The following SEC13 variants were observed in gnomAD, a reference collection of about 807,000 sequenced individuals.
SEC13 encodes the protein SEC13 homolog, nuclear pore and COPII component, also known as protein SEC13 homolog.
SEC13 carries 25 observed loss-of-function variants against 49.2 expected under a neutral mutation model. The observed-to-expected ratio is 0.51, with a 90% CI of 0.37 to 0.71. The LOEUF is 0.71. Among genes scored for constraint, SEC13 ranks in the 30% least tolerant of loss-of-function variants. SEC13 has a pLI of 0.00. For synonymous variants in SEC13, 148 were observed against 163.9 expected (o/e 0.90, Z 0.74); for missense variants, 383 against 417.6 (o/e 0.92, Z 0.72).
chr3:10,313,865 G>C (rs995202394), intron 3 of SEC13: 1 of 154,424 alleles, frequency 6.5e-6, no homozygotes, highest in African/African-American at 2.4e-5. Context: ...AGAGAAGCTT[G>C]ATTTGGCTCC....
At position 10,301,189 on chromosome 3, in the gene SEC13, TGTCTG is replaced by T; in HGVS notation, c.*67_*71del. 2 of 1,613,936 alleles carry T rather than the reference TGTCTG, an allele frequency of 1.2e-6. No homozygotes were observed. The highest frequency in any genetic ancestry group is 1.7e-6 in the Non-Finnish European group (2 of 1,179,882). On this transcript the variant is annotated 3_prime_UTR_variant, in exon 9 of 9. Coordinates refer to ENST00000350697, the MANE Select transcript of SEC13 (RefSeq NM_183352.3). ...GTTGGAGTTGGGGGCTCTTCCCAGTTGTCTGGTTAGTTGGCCCAGGAAGGGGCAGT... is the reference window on the plus strand; with the variant it reads ...GTTGGAGTTGGGGGCTCTTCCCAGTTGTTAGTTGGCCCAGGAAGGGGCAGT...
intron 3 of SEC13, chr3:10,314,110 T>C (rs1644847537): frequency 6.7e-6 from 1 of 149,654 alleles, no homozygotes; most frequent in African/African-American, 2.4e-5. Flanking sequence ...TTATAAATTA[T>C]ACAGTAATCA....
intron 1 of SEC13, chr3:10,319,150 T>A (rs753652528): frequency 4.3e-6 from 7 of 1,610,954 alleles, no homozygotes; most frequent in Non-Finnish European, 5.9e-6. Flanking sequence ...ATTTTCCCCA[T>A]TTCATCTTTT....
At position 10,303,038 on chromosome 3, in the gene SEC13, A is replaced by G. The variant is rs77210910; in HGVS notation, c.855+988T>C. Among the ~76,000 whole-genome samples the G allele has an allele frequency of 1.1e-3, 172 of 152,326 alleles. 3 individuals are homozygous for G. In the East Asian group the frequency reaches 0.028, roughly 24 times the overall value. ...TGGCTGCCAGGGCTGGGGAGGGGCA[A>G]TGGGGAAGGGAGTTATTTAATGGGT... On this transcript the variant is annotated intron_variant, in intron 8 of 8. Coordinates refer to ENST00000350697, the MANE Select transcript of SEC13 (RefSeq NM_183352.3).
intron 3 of SEC13, 156 bp downstream of exon 3, chr3:10,315,165 G>A: frequency 1.6e-6 from 1 of 613,314 alleles, no homozygotes; most frequent in Non-Finnish European, 3.0e-6. Context: ...GTCCGCTGAG[G>A]ACAGCCAGGC....
intron 1 of SEC13, 145 bp downstream of exon 1, chr3:10,320,905 G>C: frequency 1.4e-6 from 2 of 1,464,294 alleles, no homozygotes; most frequent in Non-Finnish European, 1.8e-6. Flanking sequence ...CGCAAGGACG[G>C]GGCCAGAGCC....
intron 3 of SEC13, chr3:10,313,547 G>C (rs1052325100): frequency 1.7e-5 from 7 of 408,516 alleles, no homozygotes; most frequent in African/African-American, 8.1e-5. Context: ...GCTGCTCCTG[G>C]TTTACTCCTT....
intron 7 of SEC13, 45 bp downstream of exon 7, chr3:10,304,988 G>A (rs1217527458): frequency 6.2e-7 from 1 of 1,612,820 alleles, no homozygotes; most frequent in African/African-American, 1.3e-5. Context: ...TGATGGGCCT[G>A]ACTCGAGACT....
chr3:10,309,927 T>C (rs1441832763), intron 5 of SEC13, among the ~76,000 whole-genome samples: 2 of 152,338 alleles, frequency 1.3e-5, no homozygotes, highest in South Asian at 2.1e-4. Context: ...CTTCCCCACA[T>C]TGGTCTACAT....
At chr3:10,303,528 C>G (rs1462354982) in intron 8 of SEC13, 1 of 204,234 alleles carries the variant, frequency 4.9e-6, no homozygotes, top group Non-Finnish European at 1.0e-5. Context: ...AGAACTCTTT[C>G]AGCTGCAAAA....
intron 5 of SEC13, among the ~76,000 whole-genome samples, chr3:10,308,832 A>T (rs1701059881): frequency 1.7e-5 from 2 of 119,936 alleles, no homozygotes; most frequent in Admixed American, 9.6e-5. Flanking sequence ...GGGTCTCACT[A>T]TGTTGGCCAG....
At chr3:10,310,059 T>C (rs1398544353) in intron 5 of SEC13, among the ~76,000 whole-genome samples, 2 of 152,134 alleles carry the variant, frequency 1.3e-5, no homozygotes, top group East Asian at 3.8e-4. Flanking sequence ...TCAGATTTCT[T>C]CCCGCCCCTT....
intron 5 of SEC13, among the ~76,000 whole-genome samples, chr3:10,308,348 A>ATAAT (rs1430705988): frequency 6.6e-6 from 1 of 152,076 alleles, no homozygotes; most frequent in East Asian, 1.9e-4. Context: ...TTCACTCAGC[A>ATAAT]TAATTATTTT....
chr3:10,317,641 A>C (rs1324109373), intron 2 of SEC13, among the ~76,000 whole-genome samples: 1 of 151,852 alleles, frequency 6.6e-6, no homozygotes, highest in African/African-American at 2.4e-5. Context: ...CTTTGTATTG[A>C]GTCATCTTTC....
rs9826228 is a variant in SEC13, at chr3:10,313,092, G to A, written c.165-362C>T. ...AAGGTTTCCAGCCAGAAGTGTTCAG[G>A]AAATATTTGTAGACTGAATTGCTAT... On this transcript the variant is annotated intron_variant, in intron 3 of 8. Coordinates refer to ENST00000350697, the MANE Select transcript of SEC13 (RefSeq NM_183352.3). 1.6e-3 allele frequency: 398 copies of A among 242,980 alleles called. 1 individual carries two copies. The highest frequency in any genetic ancestry group is 8.4e-3 in the African/African-American group (385 of 45,880). 15.1% of individuals were successfully genotyped at this position (242,980 alleles called of 1,614,324 possible).
chr3:10,320,421 G>A, intron 1 of SEC13: 1 of 569,152 alleles, frequency 1.8e-6, no homozygotes, highest in Non-Finnish European at 2.2e-6. Flanking sequence ...GTACACTGCA[G>A]ATGCCACAGA....
In SEC13 at chr3:10,306,980, C is replaced by T. The variant is rs578206102; in HGVS notation, c.451-1288G>A. ...GGTCAAAAAGGAAAGGCTGGATAAA[C>T]GCTTGATTCTTTCTGAACTGGTTCT... On this transcript the variant is annotated intron_variant, in intron 5 of 8. Coordinates refer to ENST00000350697, the MANE Select transcript of SEC13 (RefSeq NM_183352.3). 2.4e-4 allele frequency among the ~76,000 whole-genome samples: 37 copies of T among 152,268 alleles called. No individual in the cohort carries two copies. In the East Asian group the frequency reaches 5.4e-3, roughly 22 times the overall value.
intron 2 of SEC13, among the ~76,000 whole-genome samples, chr3:10,317,670 C>A (rs961333944): frequency 6.6e-6 from 1 of 152,204 alleles, no homozygotes; most frequent in South Asian, 2.1e-4. Context: ...CTTCTTTTCA[C>A]CCCCCTTTCC....
At chr3:10,316,909 G>A (rs1425699884) in intron 2 of SEC13, among the ~76,000 whole-genome samples, 1 of 150,830 alleles carries the variant, frequency 6.6e-6, no homozygotes, top group Non-Finnish European at 1.5e-5. Flanking sequence ...TCTGGGGCAG[G>A]AGAATTACTT....
Sources: gnomAD v4.1 joint callset for allele counts (sites outside exome capture counted in the v4.1 genomes callset) on GRCh38, gnomAD v4.1.1 for gene constraint, MANE v1.5 for transcripts, NCBI Gene and HGNC (gene_info 2026-07-23, HGNC 2026-07-21) for gene names.